The following RANBP2 variants were observed in gnomAD, a reference collection of about 807,000 sequenced individuals.
The protein encoded by RANBP2 is E3 SUMO-protein ligase RanBP2.
Under a neutral mutation model 303.6 loss-of-function variants are expected in RANBP2, and 57 were observed. The ratio of observed to expected loss-of-function variants is 0.19; its 90% CI spans 0.15 to 0.23. The LOEUF (loss-of-function observed/expected upper bound fraction) is 0.23. Ranked by LOEUF, RANBP2 falls within the 10% of genes least tolerant of loss-of-function variation. The probability of loss-of-function intolerance (pLI) is 1.00; values close to 1 mark genes in which losing one functional copy is unlikely to be tolerated. For missense variants in RANBP2, 3,138 were observed against 3,780.8 expected (o/e 0.83, Z 4.46); for synonymous variants, 1,167 against 1,301.5 (o/e 0.90, Z 2.23).
the RANBP2 span, among the ~76,000 whole-genome samples, chr2:109,342,625 C>T: frequency 1.3e-5 from 2 of 152,198 alleles, no homozygotes; most frequent in Non-Finnish European, 2.9e-5. Flanking sequence ...GCCCTCCCGA[C>T]GCTGCAGGCC....
At position 108,766,188 on chromosome 2, in the gene RANBP2, G is replaced by A; in HGVS notation, c.5649G>A (p.Lys1883=). Residue 1883 remains lysine, a synonymous_variant, in exon 20 of 29, where the codon AAG becomes AAA. Coordinates refer to ENST00000283195, the MANE Select transcript of RANBP2 (RefSeq NM_006267.5). ...AGGGTTCTTCTAATACAGAATTTAA[G>A]TCAACCAAAGAAGGATTTTCCATCC... ...MFQGSSNTEF[K]STKEGFSIPV... is the part of the protein sequence containing the mutation. 1 of 1,612,240 alleles carries A rather than the reference G, an allele frequency of 6.2e-7. No individual in the cohort carries two copies. The highest frequency in any genetic ancestry group is 8.5e-7 in the Non-Finnish European group (1 of 1,179,992).
chr2:109,186,419 G>A, the RANBP2 span, among the ~76,000 whole-genome samples: 235 of 152,358 alleles, frequency 1.5e-3, no homozygotes, highest in Non-Finnish European at 2.5e-3. Flanking sequence ...CGAACCTGGG[G>A]AGTGAGGCTT....
the RANBP2 span, among the ~76,000 whole-genome samples, chr2:109,243,683 G>A: frequency 1.3e-5 from 2 of 152,178 alleles, no homozygotes; most frequent in African/African-American, 2.4e-5. Flanking sequence ...GGCAAAGGTC[G>A]GGGACAATCG....
the RANBP2 span, among the ~76,000 whole-genome samples, chr2:109,740,408 GA>G: frequency 2.6e-5 from 4 of 152,150 alleles, no homozygotes; most frequent in Non-Finnish European, 4.4e-5. Context: ...TCTCAGAAAT[GA>G]ACAGATTCAG....
the RANBP2 span, among the ~76,000 whole-genome samples, chr2:109,312,054 A>G: frequency 6.6e-6 from 1 of 152,146 alleles, no homozygotes; most frequent in Non-Finnish European, 1.5e-5. Flanking sequence ...GCAGTCAGCC[A>G]TAGACTAGGG....
chr2:108,752,608 C>T (rs1418025186), intron 12 of RANBP2, among the ~76,000 whole-genome samples: 3 of 77,132 alleles, frequency 3.9e-5, no homozygotes, highest in South Asian at 4.4e-4. Context: ...CCCGTCTCTA[C>T]TAAAAATACA....
the RANBP2 span, among the ~76,000 whole-genome samples, chr2:109,054,435 G>T: frequency 6.6e-6 from 1 of 152,112 alleles, no homozygotes; most frequent in Non-Finnish European, 1.5e-5. Context: ...GGCTGGGCGC[G>T]GTGGCTCACG....
the RANBP2 span, among the ~76,000 whole-genome samples, chr2:109,416,217 C>T: frequency 6.6e-6 from 1 of 152,168 alleles, no homozygotes; most frequent in African/African-American, 2.4e-5. Flanking sequence ...TTTCGAAGCC[C>T]TCCCAGCCAC....
chr2:108,968,091 G>A, the RANBP2 span, among the ~76,000 whole-genome samples: 2 of 152,298 alleles, frequency 1.3e-5, no homozygotes, highest in Admixed American at 1.3e-4. Flanking sequence ...GGAGCTGAGT[G>A]CTGCACAGGG....
At chr2:109,463,765 A>G in the RANBP2 span, among the ~76,000 whole-genome samples, 1 of 152,208 alleles carries the variant, frequency 6.6e-6, no homozygotes, top group Non-Finnish European at 1.5e-5. Flanking sequence ...GGAACATGCT[A>G]AGACCATGGA....
At chr2:109,116,880 G>A in the RANBP2 span, among the ~76,000 whole-genome samples, 2 of 152,238 alleles carry the variant, frequency 1.3e-5, no homozygotes, top group East Asian at 3.8e-4. Context: ...GTCTGTTGGA[G>A]TTTGCTAGAG....
the RANBP2 span, chr2:108,929,224 G>A: frequency 3.8e-5 from 62 of 1,613,990 alleles, no homozygotes; most frequent in Middle Eastern, 6.6e-4. Context: ...CACACTCAGC[G>A]TCATTCTCCA....
the RANBP2 span, among the ~76,000 whole-genome samples, chr2:109,163,827 A>G: frequency 6.6e-6 from 1 of 152,126 alleles, no homozygotes. Flanking sequence ...CCTCCAAACA[A>G]TGTGTTTTCC....
downstream of RANBP2, among the ~76,000 whole-genome samples, chr2:108,787,092 C>T (rs1365400765): frequency 6.6e-6 from 1 of 151,912 alleles, no homozygotes; most frequent in Non-Finnish European, 1.5e-5. Context: ...CGTTGCGCTG[C>T]GGGGGTGCGG....
At chr2:109,122,738 G>C in the RANBP2 span, among the ~76,000 whole-genome samples, 1 of 152,144 alleles carries the variant, frequency 6.6e-6, no homozygotes, top group Admixed American at 6.5e-5. Context: ...AGACATGGTG[G>C]CATGTGCCTG....
At chr2:108,743,685 T>C (rs1696292633) in intron 7 of RANBP2, among the ~76,000 whole-genome samples, 1 of 152,204 alleles carries the variant, frequency 6.6e-6, no homozygotes, top group Non-Finnish European at 1.5e-5. Flanking sequence ...TTCAGAAATA[T>C]TTTTTGCATA....
chr2:108,744,180 G>T (rs1418180929), intron 7 of RANBP2, among the ~76,000 whole-genome samples: 1 of 152,166 alleles, frequency 6.6e-6, no homozygotes, highest in East Asian at 1.9e-4. Context: ...GAGGCGGGCG[G>T]ATCACTTGAG....
the RANBP2 span, among the ~76,000 whole-genome samples, chr2:109,390,105 ACCG>A: frequency 6.6e-6 from 1 of 152,178 alleles, no homozygotes; most frequent in Non-Finnish European, 1.5e-5. Flanking sequence ...TTAAGTGTCT[ACCG>A]GAGGCCATGC....
intron 25 of RANBP2, 104 bp from the exon 26 acceptor site, chr2:108,781,165 T>A (rs1254508737): frequency 8.8e-7 from 1 of 1,137,042 alleles, no homozygotes. Flanking sequence ...AAAATTGATG[T>A]ACATATTACA....
Sources: allele counts gnomAD v4.1 joint callset (sites outside exome capture counted in the v4.1 genomes callset), GRCh38; gene constraint gnomAD v4.1.1; transcripts MANE v1.5; gene names NCBI Gene and HGNC (gene_info 2026-07-23, HGNC 2026-07-21).